ARHGAP8: variants seen among roughly 807,000 people sequenced by gnomAD.
ARHGAP8 encodes rho GTPase-activating protein 8.
ARHGAP8 carries 62 observed loss-of-function variants against 46.1 expected under a neutral mutation model. The ratio of observed to expected loss-of-function variants is 1.34; its 90% CI spans 1.10 to 1.66. The LOEUF (loss-of-function observed/expected upper bound fraction) is 1.66. Among genes scored for constraint, ARHGAP8 ranks in the 40% most tolerant of loss-of-function variants. The pLI, the probability that ARHGAP8 is intolerant of heterozygous loss-of-function variation, is 0.00. For synonymous variants in ARHGAP8, 375 were observed against 243.1 expected, an observed-to-expected ratio of 1.54 and a Z score of -5.05; for missense variants, 923 against 568.4, an observed-to-expected ratio of 1.62 and a Z score of -6.34.
rs2070203380 is a variant in ARHGAP8 at position 44,855,712 on chromosome 22, G to A, written c.878-4019G>A. On this transcript the variant is annotated intron_variant, in intron 10 of 11. Coordinates refer to ENST00000356099, the MANE Select transcript of ARHGAP8 (RefSeq NM_181335.3). The stretch of plus-strand genomic sequence containing the variant: ...ACTTTTTGTGGCCATGGATACAAGA[G>A]ATGTTCTCAGAGTCCCCCAGGATCC... 3.9e-5 allele frequency among the ~76,000 whole-genome samples: 6 copies of A among 152,252 alleles called. 1 individual carries two copies. The South Asian group carries it at 1.2e-3, about 32-fold the overall frequency.
At chr22:44,780,843 G>A (rs5765989) in intron 1 of ARHGAP8, among the ~76,000 whole-genome samples, 133,229 of 152,160 alleles carry the variant, frequency 0.88, 58,419 homozygotes, top group Non-Finnish European at 0.89. Flanking sequence ...TGAGGCTTTA[G>A]TGAGATAACA....
chr22:44,797,216 G>GTTT (rs748305166), intron 2 of ARHGAP8, among the ~76,000 whole-genome samples: 1 of 105,410 alleles, frequency 9.5e-6, no homozygotes, highest in African/African-American at 4.9e-5. Flanking sequence ...ATGCTACTTG[G>GTTT]CTTTTTTTTT....
chr22:44,844,321 C>G (rs1222747293), intron 7 of ARHGAP8, among the ~76,000 whole-genome samples: 2 of 151,856 alleles, frequency 1.3e-5, no homozygotes, highest in African/African-American at 4.8e-5. Flanking sequence ...AAATAATTAG[C>G]CAGCAAAATA....
chr22:44,845,548 T>TG (rs1406059041), intron 8 of ARHGAP8, among the ~76,000 whole-genome samples: 5 of 118,272 alleles, frequency 4.2e-5, no homozygotes, highest in Middle Eastern at 8.8e-3. Context: ...CTGTGTGACC[T>TG]GGGGCAGTTA....
chr22:44,782,011 A>C (rs1176503082), intron 1 of ARHGAP8, among the ~76,000 whole-genome samples: 9 of 151,876 alleles, frequency 5.9e-5, no homozygotes, highest in Admixed American at 5.3e-4. Context: ...TTCTCTTTTA[A>C]ATTGGACTGA....
At chr22:44,792,600 G>A (rs1376556167) in intron 2 of ARHGAP8, among the ~76,000 whole-genome samples, 1 of 152,076 alleles carries the variant, frequency 6.6e-6, no homozygotes, top group Non-Finnish European at 1.5e-5. Context: ...CTTCAGGTGT[G>A]ACTAGATGTC....
chr22:44,768,131 GTAT>G (rs1040434840), intron 1 of ARHGAP8, among the ~76,000 whole-genome samples: 1 of 148,428 alleles, frequency 6.7e-6, no homozygotes, highest in African/African-American at 2.5e-5. Flanking sequence ...TGAGTAACTG[GTAT>G]TATAGGCGCC....
At chr22:44,854,541 G>C (rs5766110) in intron 10 of ARHGAP8, among the ~76,000 whole-genome samples, 62,066 of 151,766 alleles carry the variant, frequency 0.41, 13,034 homozygotes, top group East Asian at 0.65. Context: ...CCCTTGTTAT[G>C]CATTTTTAAC....
intron 1 of ARHGAP8, 21 bp from the exon 2 acceptor site, chr22:44,786,436 C>T: frequency 1.9e-6 from 3 of 1,561,328 alleles, no homozygotes; most frequent in Non-Finnish European, 2.6e-6. Context: ...CACTGACTTC[C>T]TTTAATCTTC....
chr22:44,811,766 C>T (rs562236357), intron 4 of ARHGAP8, among the ~76,000 whole-genome samples: 19 of 152,126 alleles, frequency 1.2e-4, no homozygotes, highest in South Asian at 4.2e-4. Flanking sequence ...GAGTCTGAGG[C>T]GGGTGAGTCA....
At chr22:44,847,824 T>C (rs2147164795) in intron 8 of ARHGAP8, 149 bp from the exon 9 acceptor site, 1 of 1,016,544 alleles carries the variant, frequency 9.8e-7, no homozygotes, top group South Asian at 1.6e-5. Flanking sequence ...TCGGGTGGGT[T>C]GGGGAATATG....
At chr22:44,799,159 T>C (rs1928306978) in intron 2 of ARHGAP8, among the ~76,000 whole-genome samples, 1 of 152,224 alleles carries the variant, frequency 6.6e-6, no homozygotes, top group Admixed American at 6.5e-5. Flanking sequence ...GCCCCTGTGC[T>C]GGGCCTGGAA....
chr22:44,771,972 G>A (rs1476401326), intron 1 of ARHGAP8, among the ~76,000 whole-genome samples: 3 of 152,130 alleles, frequency 2.0e-5, no homozygotes, highest in Admixed American at 2.0e-4. Flanking sequence ...GGCTATCACT[G>A]TTCATTGTTC....
At chr22:44,786,629 T>G (rs1170141620) in intron 2 of ARHGAP8, 23 bp downstream of exon 2, 1 of 1,608,470 alleles carries the variant, frequency 6.2e-7, no homozygotes, top group Non-Finnish European at 8.5e-7. Flanking sequence ...CTGGGCAGTC[T>G]GCAGGACCAT....
At chr22:44,807,222 G>T (rs568130416) in intron 3 of ARHGAP8, among the ~76,000 whole-genome samples, 1 of 152,172 alleles carries the variant, frequency 6.6e-6, no homozygotes, top group South Asian at 2.1e-4. Context: ...TGGCCTGACC[G>T]GCTCAGTGTC....
At chr22:44,848,869 GTT>G in intron 9 of ARHGAP8, 61 bp from the exon 10 acceptor site, 1 of 1,603,318 alleles carries the variant, frequency 6.2e-7, no homozygotes, top group Non-Finnish European at 8.5e-7. Flanking sequence ...CTCAGAGCTC[GTT>G]CTGCAGCGGC....
At chr22:44,857,035 G>A (rs2070245644) in intron 10 of ARHGAP8, among the ~76,000 whole-genome samples, 1 of 142,320 alleles carries the variant, frequency 7.0e-6, no homozygotes, top group Non-Finnish European at 1.5e-5. Flanking sequence ...CTGCCTCCCG[G>A]GTTCAAATGA....
chr22:44,853,235 C>G (rs1192105324), intron 10 of ARHGAP8, among the ~76,000 whole-genome samples: 1 of 152,158 alleles, frequency 6.6e-6, no homozygotes, highest in Non-Finnish European at 1.5e-5. Context: ...ATTTAGATGT[C>G]TTTGGTGATG....
At chr22:44,844,910 G>A (rs1370521304) in intron 7 of ARHGAP8, among the ~76,000 whole-genome samples, 1 of 152,144 alleles carries the variant, frequency 6.6e-6, no homozygotes, top group South Asian at 2.1e-4. Context: ...ATACCACTGG[G>A]ACTTCCCAGT....
Sources: gnomAD v4.1 joint callset for allele counts (sites outside exome capture counted in the v4.1 genomes callset) on GRCh38, gnomAD v4.1.1 for gene constraint, MANE v1.5 for transcripts, NCBI Gene and HGNC (gene_info 2026-07-23, HGNC 2026-07-21) for gene names.